NEK4: variants seen among roughly 807,000 people sequenced by gnomAD.
NEK4 encodes the protein serine/threonine-protein kinase Nek4.
In NEK4, 86 loss-of-function variants were observed where a neutral mutation model predicts 98.4. That is an observed-to-expected ratio of 0.87 (90% CI 0.73 to 1.05). NEK4 has a LOEUF of 1.05. Ranked by LOEUF, NEK4 falls within the 50% of genes least tolerant of loss-of-function variation. NEK4 has a pLI of 0.00. For missense variants in NEK4, 898 were observed against 950.3 expected (o/e 0.94, Z 0.72); for synonymous variants, 328 against 342.2 (o/e 0.96, Z 0.46).
rs780763463 is a variant in NEK4, at chr3:52,768,461, G to C, written c.237C>G (p.Leu79=). 1.9e-5 allele frequency: 31 copies of C among 1,614,046 alleles called. No individual in the cohort carries two copies. Among genetic ancestry groups the C allele is most frequent in the Non-Finnish European group, 2.5e-5 (29 of 1,180,032 alleles). ...KESWEGGDGL[L]YIVMGFCEGG... The stretch of plus-strand genomic sequence containing the variant: ...CTTCACAGAAGCCCATGACAATGTA[G>C]AGCAGACCATCTCCTCCTTCCCATG... The change falls in exon 2 of 16, where the codon CTC becomes CTG. Residue 79 remains leucine, a synonymous_variant. Coordinates refer to ENST00000233027, the MANE Select transcript of NEK4 (RefSeq NM_003157.6).
At chr3:52,720,752 A>C (rs542449855) in intron 15 of NEK4, among the ~76,000 whole-genome samples, 1 of 152,358 alleles carries the variant, frequency 6.6e-6, no homozygotes, top group East Asian at 1.9e-4. Context: ...CCCACATTAC[A>C]GGAAAACGAA....
At chr3:52,713,120 T>C (rs1561280042) in intron 15 of NEK4, among the ~76,000 whole-genome samples, 2 of 152,014 alleles carry the variant, frequency 1.3e-5, no homozygotes, top group African/African-American at 2.4e-5. Context: ...TGACCAGTAA[T>C]AAAAAAAGTA....
chr3:52,760,610 G>A (rs1263681131), intron 6 of NEK4, among the ~76,000 whole-genome samples, 185 bp downstream of exon 6: 1 of 152,222 alleles, frequency 6.6e-6, no homozygotes, highest in Non-Finnish European at 1.5e-5. Flanking sequence ...TGAACAATTT[G>A]ACAGCCCAAT....
intron 15 of NEK4, among the ~76,000 whole-genome samples, chr3:52,714,365 A>G (rs2154101793): frequency 6.6e-6 from 1 of 152,346 alleles, no homozygotes; most frequent in Admixed American, 6.5e-5. Context: ...AGCAGCCGCT[A>G]CCATCGCGCT....
intron 12 of NEK4, among the ~76,000 whole-genome samples, chr3:52,742,615 T>C (rs576154497): frequency 6.6e-6 from 1 of 152,206 alleles, no homozygotes; most frequent in East Asian, 1.9e-4. Context: ...ATGGTGTCCC[T>C]ACATCATCTA....
chr3:52,766,422 T>C (rs1382132653), intron 2 of NEK4, 47 bp from the exon 3 acceptor site: 1 of 1,383,300 alleles, frequency 7.2e-7, no homozygotes, highest in East Asian at 2.4e-5. Flanking sequence ...GACTTAATTA[T>C]GTATTTATTC....
At chr3:52,743,806 G>GA (rs2097390873) in intron 11 of NEK4, among the ~76,000 whole-genome samples, 2 of 152,164 alleles carry the variant, frequency 1.3e-5, no homozygotes, top group East Asian at 3.8e-4. Flanking sequence ...TCAATAAATG[G>GA]AAACTGCTAG....
intron 10 of NEK4, 69 bp from the exon 11 acceptor site, chr3:52,744,374 T>A (rs2097392119): frequency 8.6e-7 from 1 of 1,166,096 alleles, no homozygotes; most frequent in Admixed American, 1.7e-5. Context: ...CAATCCATGA[T>A]GTATCATTCA....
At chr3:52,723,189 CCT>C (rs1343503357) in intron 15 of NEK4, among the ~76,000 whole-genome samples, 1 of 151,806 alleles carries the variant, frequency 6.6e-6, no homozygotes, top group East Asian at 1.9e-4. Context: ...AGAATGAGAC[CCT>C]GTCTCAAAAT....
intron 12 of NEK4, among the ~76,000 whole-genome samples, chr3:52,742,442 AC>A (rs2097388013): frequency 6.6e-6 from 1 of 151,966 alleles, no homozygotes; most frequent in South Asian, 2.1e-4. Context: ...AAACCTTACA[AC>A]TCTGAGATAT....
Position 52,760,695 on chromosome 3 carries a change from T to C in NEK4, c.963+100A>G, listed in dbSNP as rs575107370. Reference sequence around the variant, plus strand: ...AAGGAATTAATTGTACAACAGAATCTCTAGTAAAGCATAATCATTTCACAC... The same window carrying C: ...AAGGAATTAATTGTACAACAGAATCCCTAGTAAAGCATAATCATTTCACAC... On this transcript the variant is annotated intron_variant, in intron 6 of 15. Coordinates refer to ENST00000233027, the MANE Select transcript of NEK4 (RefSeq NM_003157.6). The C allele has an allele frequency of 1.8e-5, 15 of 814,620 alleles. No individual in the cohort carries two copies. In the African/African-American group the frequency reaches 2.4e-4, roughly 13 times the overall value. 50.5% of individuals were successfully genotyped at this position (814,620 alleles called of 1,614,324 possible).
chr3:52,753,512 T>C (rs1334379627), intron 6 of NEK4: 3 of 451,188 alleles, frequency 6.6e-6, no homozygotes, highest in African/African-American at 4.0e-5. Flanking sequence ...ATTTCTTTGT[T>C]TGGAGTACAC....
At chr3:52,712,040 C>G (rs531613389) in intron 15 of NEK4, among the ~76,000 whole-genome samples, 171 bp from the exon 16 acceptor site, 1 of 152,062 alleles carries the variant, frequency 6.6e-6, no homozygotes. Flanking sequence ...TTCGAAAAGT[C>G]GTAAGAAATT....
chr3:52,744,760 G>A (rs1014904810), intron 10 of NEK4, among the ~76,000 whole-genome samples: 5 of 150,384 alleles, frequency 3.3e-5, no homozygotes, highest in African/African-American at 9.8e-5. Flanking sequence ...AAGGTCTTGC[G>A]CTGGACTTAG....
In NEK4 at chr3:52,770,674, G is replaced by T. The variant is rs1410497552; in HGVS notation, c.73C>A (p.His25Asn). The T allele has an allele frequency of 6.4e-7, 1 of 1,566,944 alleles. No homozygotes were observed. Among genetic ancestry groups the T allele is most frequent in the Non-Finnish European group, 8.6e-7 (1 of 1,156,946 alleles). ...GSYGEVTLVK[H>N]RRDGKQYVIK... ...CAGACCTGCTTGCCGTCCCGCCGGT[G>T]CTTCACAAGCGTCACCTCTCCATAG... The change falls in exon 1 of 16, where the codon CAC (histidine) becomes AAC (asparagine). Residue 25 changes from histidine to asparagine, a missense_variant. Physicochemically the swap from His to Asn is moderately conservative, Grantham distance 68. Transcript: ENST00000233027.
intron 12 of NEK4, among the ~76,000 whole-genome samples, chr3:52,742,229 T>A (rs2097387611): frequency 6.6e-6 from 1 of 151,892 alleles, no homozygotes; most frequent in Admixed American, 6.6e-5. Context: ...AAACTCAGCT[T>A]GTCTTTTTTT....
rs1698326617 is a variant in NEK4 at position 52,760,820 on chromosome 3, G to A, written c.938C>T (p.Ser313Phe). 1.2e-6 allele frequency: 2 copies of A among 1,610,236 alleles called. No homozygotes were observed. The highest frequency in any genetic ancestry group is 1.3e-5 in the African/African-American group (1 of 74,856). The part of the protein sequence containing the change: ...HEVIHPQPLS[S>F]EGSQTYIMGE... Reference sequence around the variant, plus strand: ...CATTATATATGTCTGGGAGCCCTCAGAAGAGAGTGGTTGGGGGTGGATTAC... The same window carrying A: ...CATTATATATGTCTGGGAGCCCTCAAAAGAGAGTGGTTGGGGGTGGATTAC... Residue 313 changes from serine to phenylalanine, a missense_variant, in exon 6 of 16, where the codon TCT becomes TTT. Coordinates refer to ENST00000233027, the MANE Select transcript of NEK4 (RefSeq NM_003157.6).
At chr3:52,724,770 T>C (rs1180171244) in intron 15 of NEK4, among the ~76,000 whole-genome samples, 1 of 152,212 alleles carries the variant, frequency 6.6e-6, no homozygotes, top group Non-Finnish European at 1.5e-5. Flanking sequence ...CTACATTTAA[T>C]AATAATGTAT....
intron 1 of NEK4, among the ~76,000 whole-genome samples, chr3:52,770,087 G>A (rs1698719402): frequency 6.6e-6 from 1 of 152,128 alleles, no homozygotes; most frequent in Non-Finnish European, 1.5e-5. Flanking sequence ...GGGTGCGTGG[G>A]GAGGCTTAAA....
Sources: allele counts gnomAD v4.1 joint callset (sites outside exome capture counted in the v4.1 genomes callset), GRCh38; gene constraint gnomAD v4.1.1; transcripts MANE v1.5; gene names NCBI Gene and HGNC (gene_info 2026-07-23, HGNC 2026-07-21).